CUX1: variants seen among roughly 807,000 people sequenced by gnomAD.
CUX1 encodes cut like homeobox 1, also known as protein CASP.
CUX1 carries 31 observed loss-of-function variants against 158.8 expected under a neutral mutation model. The observed-to-expected ratio is 0.20, with a 90% CI of 0.15 to 0.26. CUX1 has a LOEUF of 0.26. Among genes scored for constraint, CUX1 ranks in the 10% least tolerant of loss-of-function variants. The probability of loss-of-function intolerance (pLI) is 1.00; values close to 1 mark genes in which losing one functional copy is unlikely to be tolerated. For missense variants in CUX1, 1,589 were observed against 2,014.6 expected (o/e 0.79, Z 4.04); for synonymous variants, 879 against 862.1 (o/e 1.02, Z -0.34).
chr7:102,072,781 G>T (rs748443889), intron 4 of CUX1, among the ~76,000 whole-genome samples: 1 of 152,122 alleles, frequency 6.6e-6, no homozygotes, highest in Non-Finnish European at 1.5e-5. Context: ...AGCCTGGCGG[G>T]CATCACTGGC....
intron 8 of CUX1, among the ~76,000 whole-genome samples, chr7:102,150,386 T>C (rs1585921396): frequency 6.6e-6 from 1 of 152,088 alleles, no homozygotes; most frequent in African/African-American, 2.4e-5. Flanking sequence ...AAACTCCTGG[T>C]CTCAAGTGAT....
chr7:102,226,527 C>A (rs1171220196), intron 20 of CUX1, among the ~76,000 whole-genome samples: 5 of 152,230 alleles, frequency 3.3e-5, no homozygotes, highest in Non-Finnish European at 5.9e-5. Flanking sequence ...CCGAGCAAGA[C>A]CCCATCTCTA....
chr7:102,130,194 A>C (rs1833062702), intron 8 of CUX1, among the ~76,000 whole-genome samples: 1 of 152,092 alleles, frequency 6.6e-6, no homozygotes, highest in South Asian at 2.1e-4. Context: ...AGCCTGCAAT[A>C]TGAATTTTTA....
chr7:101,826,292 G>C (rs1034198863), intron 1 of CUX1, among the ~76,000 whole-genome samples: 1 of 151,804 alleles, frequency 6.6e-6, no homozygotes, highest in African/African-American at 2.4e-5. Context: ...TTGACCTCCC[G>C]GGCTCAAGCA....
intron 2 of CUX1, among the ~76,000 whole-genome samples, chr7:102,018,698 T>A (rs1489945262): frequency 6.6e-6 from 1 of 151,850 alleles, no homozygotes; most frequent in African/African-American, 2.4e-5. Context: ...TTTCTCAAAG[T>A]TTCAGTCTCT....
chr7:102,002,461 C>T (rs1339133172), intron 2 of CUX1, among the ~76,000 whole-genome samples: 1 of 152,096 alleles, frequency 6.6e-6, no homozygotes, highest in Non-Finnish European at 1.5e-5. Context: ...TGCTTTTCAC[C>T]CTGTATTTTC....
intron 4 of CUX1, among the ~76,000 whole-genome samples, chr7:102,086,057 T>C (rs1313037673): frequency 1.3e-5 from 2 of 152,230 alleles, no homozygotes; most frequent in African/African-American, 4.8e-5. Flanking sequence ...TGGCATAATA[T>C]TGTACATAAT....
chr7:102,219,997 G>A (rs1373283505), intron 20 of CUX1, among the ~76,000 whole-genome samples: 6 of 152,172 alleles, frequency 3.9e-5, no homozygotes, highest in African/African-American at 9.7e-5. Flanking sequence ...CAGAAATTTC[G>A]GAGCTGGTCA....
intron 3 of CUX1, among the ~76,000 whole-genome samples, chr7:102,034,912 C>T (rs961443776): frequency 6.6e-6 from 1 of 151,842 alleles, no homozygotes; most frequent in African/African-American, 2.4e-5. Flanking sequence ...CTAGCCTGGG[C>T]AACAGATCAA....
intron 1 of CUX1, among the ~76,000 whole-genome samples, chr7:101,904,259 C>T (rs1802504359): frequency 6.6e-6 from 1 of 152,164 alleles, no homozygotes; most frequent in Admixed American, 6.5e-5. Flanking sequence ...GTGATTGCAT[C>T]ACTGCACTCC....
intron 1 of CUX1, among the ~76,000 whole-genome samples, chr7:101,872,054 C>A (rs1798623695): frequency 6.6e-6 from 1 of 151,504 alleles, no homozygotes; most frequent in Admixed American, 6.6e-5. Context: ...TTGTGTGCAG[C>A]GTGATTCTGT....
intron 1 of CUX1, among the ~76,000 whole-genome samples, chr7:101,889,293 G>T (rs575614676): frequency 7.0e-6 from 1 of 143,330 alleles, no homozygotes; most frequent in African/African-American, 2.6e-5. Context: ...GAGAGAGATC[G>T]TTTCCCGAGG....
chr7:102,246,396 C>T (rs532583968), intron 23 of CUX1, among the ~76,000 whole-genome samples: 2 of 152,136 alleles, frequency 1.3e-5, no homozygotes, highest in Non-Finnish European at 2.9e-5. Flanking sequence ...ACAAATCTTT[C>T]AGGACAAGGT....
intron 20 of CUX1, among the ~76,000 whole-genome samples, chr7:102,223,303 T>G (rs1037425402): frequency 3.3e-5 from 5 of 152,164 alleles, no homozygotes; most frequent in African/African-American, 1.2e-4. Context: ...AAAAGATAAA[T>G]GCATCATACA....
At position 102,251,351 on chromosome 7, in the gene CUX1, C is replaced by T. The variant is rs1801487725; in HGVS notation, c.*2309C>T. The T allele has an allele frequency of 4.1e-6, 4 of 985,286 alleles. No individual in the cohort carries two copies. The highest frequency in any genetic ancestry group is 4.8e-6 in the Non-Finnish European group (4 of 829,924). The allele number at this position is 985,286 out of a possible 1,614,324, so 61.0% of individuals were successfully genotyped here. On this transcript the variant is annotated 3_prime_UTR_variant, in exon 24 of 24. Coordinates refer to ENST00000292535, the MANE Select transcript of CUX1 (RefSeq NM_181552.4). ...ACTTTGACTGTAAGATGTGAAACCA[C>T]GTTTCTTGCATGATGTTTTAGAGAT...
chr7:102,202,066 C>T lies in CUX1; in HGVS notation c.2769C>T (p.Thr923=), dbSNP rs781950690. The change falls in exon 18 of 24, where the codon ACC becomes ACT. Residue 923 remains threonine, a synonymous_variant. Coordinates refer to ENST00000292535, the MANE Select transcript of CUX1 (RefSeq NM_181552.4). ...SSPIVPMSKP[T]KPSVPPLTPE... is the part of the protein sequence containing the mutation. ...CGATCGTGCCCATGTCCAAGCCCACCAAGCCCTCGGTCCCCCCGCTGACCC... is the reference window on the plus strand; with the variant it reads ...CGATCGTGCCCATGTCCAAGCCCACTAAGCCCTCGGTCCCCCCGCTGACCC... 2 of 1,614,066 alleles carry T rather than the reference C, an allele frequency of 1.2e-6. No homozygotes were observed. Among genetic ancestry groups the T allele is most frequent in the African/African-American group, 1.3e-5 (1 of 74,928 alleles).
Position 102,097,386 on chromosome 7 carries a change from C to G in CUX1, c.291C>G (p.Leu97=). 1 of 1,608,928 alleles carries G rather than the reference C, an allele frequency of 6.2e-7. No homozygotes were observed. The highest frequency in any genetic ancestry group is 1.7e-4 in the Middle Eastern group (1 of 6,036). Residue 97 remains leucine (L), a synonymous_variant, in exon 5 of 24, where the codon CTC becomes CTG. Coordinates refer to ENST00000292535, the MANE Select transcript of CUX1 (RefSeq NM_181552.4). The stretch of plus-strand genomic sequence containing the variant: ...CAGATCCCGTACCAGCTTTGGATCT[C>G]GGACAGCAACTCCAGCTCAAAGTGC... ...DVPDPVPALD[L]GQQLQLKVQR...
chr7:101,918,554 C>T (rs1804512177), intron 2 of CUX1, among the ~76,000 whole-genome samples: 1 of 152,246 alleles, frequency 6.6e-6, no homozygotes, highest in Non-Finnish European at 1.5e-5. Flanking sequence ...GTGCCCACTT[C>T]CTCATCTTTG....
intron 3 of CUX1, among the ~76,000 whole-genome samples, chr7:102,055,413 TC>T (rs1329242292): frequency 1.3e-5 from 2 of 152,188 alleles, no homozygotes; most frequent in African/African-American, 4.8e-5. Flanking sequence ...GGTGCTCACT[TC>T]CTTTCTCTTT....
Sources: allele counts gnomAD v4.1 joint callset (sites outside exome capture counted in the v4.1 genomes callset), GRCh38; gene constraint gnomAD v4.1.1; transcripts MANE v1.5; gene names NCBI Gene and HGNC (gene_info 2026-07-23, HGNC 2026-07-21).